The following GABRA5 variants were observed in gnomAD, a reference collection of about 807,000 sequenced individuals.
The protein encoded by GABRA5 is gamma-aminobutyric acid receptor subunit alpha-5.
Under a neutral mutation model 47.3 loss-of-function variants are expected in GABRA5, and 18 were observed. That is an observed-to-expected ratio of 0.38 (90% CI 0.26 to 0.56). The LOEUF (loss-of-function observed/expected upper bound fraction) is 0.56. GABRA5 is among the 20% of genes least tolerant of loss of function. GABRA5 has a pLI of 0.71. For synonymous variants in GABRA5, 237 were observed against 229.3 expected (o/e 1.03, Z -0.30); for missense variants, 365 against 599.3 (o/e 0.61, Z 4.08).
chr15:26,943,075 C>T (rs1204543460), intron 9 of GABRA5, 140 bp from the exon 10 acceptor site: 1 of 655,022 alleles, frequency 1.5e-6, no homozygotes, highest in African/African-American at 1.8e-5. Context: ...CAGAGCAAGA[C>T]TCTGTCTCAA....
At chr15:26,875,070 A>G (rs989125640) in intron 3 of GABRA5, among the ~76,000 whole-genome samples, 1 of 152,214 alleles carries the variant, frequency 6.6e-6, no homozygotes, top group Non-Finnish European at 1.5e-5. Context: ...GGGATTAATC[A>G]TGGGTCCAGG....
intron 7 of GABRA5, among the ~76,000 whole-genome samples, chr15:26,916,104 G>C (rs527931370): frequency 3.9e-5 from 6 of 151,982 alleles, no homozygotes; most frequent in Admixed American, 2.6e-4. Context: ...TCTTGCCTGG[G>C]ATATCTTTCT....
chr15:26,924,687 G>T (rs1893918750), intron 7 of GABRA5, among the ~76,000 whole-genome samples: 1 of 152,194 alleles, frequency 6.6e-6, no homozygotes. Context: ...GCATTTGCTA[G>T]CCTGGAATAG....
At chr15:26,900,155 A>T (rs1893293008) in intron 6 of GABRA5, among the ~76,000 whole-genome samples, 1 of 152,144 alleles carries the variant, frequency 6.6e-6, no homozygotes, top group African/African-American at 2.4e-5. Context: ...ATATATAAAA[A>T]ACTTTGCTCC....
intron 6 of GABRA5, among the ~76,000 whole-genome samples, chr15:26,904,916 G>C (rs1325419477): frequency 6.6e-6 from 1 of 152,146 alleles, no homozygotes; most frequent in Non-Finnish European, 1.5e-5. Flanking sequence ...GGGATAGTTT[G>C]ACTTCCTTGC....
intron 7 of GABRA5, among the ~76,000 whole-genome samples, chr15:26,917,609 T>A (rs1450959087): frequency 6.6e-6 from 1 of 152,092 alleles, no homozygotes; most frequent in Non-Finnish European, 1.5e-5. Context: ...CCTCTTTAGT[T>A]TTTTTTGAAG....
intron 3 of GABRA5, among the ~76,000 whole-genome samples, chr15:26,874,528 A>T (rs1039358188): frequency 6.6e-6 from 1 of 152,168 alleles, no homozygotes; most frequent in African/African-American, 2.4e-5. Context: ...TGCCCTGAAA[A>T]GGGAAGGAAT....
At chr15:26,937,842 C>T (rs1894284330) in intron 8 of GABRA5, among the ~76,000 whole-genome samples, 2 of 152,230 alleles carry the variant, frequency 1.3e-5, no homozygotes, top group South Asian at 4.1e-4. Context: ...TCCCTTGACA[C>T]AAAGTTGGTG....
intron 7 of GABRA5, among the ~76,000 whole-genome samples, chr15:26,919,162 A>C (rs1330611202): frequency 2.0e-5 from 3 of 152,072 alleles, no homozygotes; most frequent in Non-Finnish European, 2.9e-5. Context: ...AACACACACA[A>C]AAAAAGAGTC....
At chr15:26,936,146 T>C (rs1894237240) in intron 7 of GABRA5, among the ~76,000 whole-genome samples, 1 of 152,138 alleles carries the variant, frequency 6.6e-6, no homozygotes, top group Admixed American at 6.5e-5. Flanking sequence ...TGTGAAGAGG[T>C]GCCTTCCGCC....
At chr15:26,896,089 G>A (rs765198492) in intron 6 of GABRA5, among the ~76,000 whole-genome samples, 10 of 152,112 alleles carry the variant, frequency 6.6e-5, no homozygotes, top group African/African-American at 1.9e-4. Flanking sequence ...CTGGGCAACC[G>A]CTGACCGCTC....
intron 7 of GABRA5, among the ~76,000 whole-genome samples, chr15:26,930,881 T>C (rs958018643): frequency 7.4e-5 from 11 of 148,912 alleles, no homozygotes; most frequent in Non-Finnish European, 1.3e-4. Context: ...CTTTTTTCTT[T>C]CTTTCTTTCT....
intron 7 of GABRA5, among the ~76,000 whole-genome samples, chr15:26,926,981 T>C (rs1893975657): frequency 6.6e-6 from 1 of 152,238 alleles, no homozygotes. Flanking sequence ...CTCTTCACTT[T>C]CTATATTCAG....
At chr15:26,927,577 A>G (rs1033149198) in intron 7 of GABRA5, among the ~76,000 whole-genome samples, 3 of 152,188 alleles carry the variant, frequency 2.0e-5, no homozygotes, top group Non-Finnish European at 4.4e-5. Flanking sequence ...TACACACTTC[A>G]CCTTTCCTCA....
chr15:26,884,600 A>G (rs1456904933), intron 6 of GABRA5, among the ~76,000 whole-genome samples: 2 of 152,220 alleles, frequency 1.3e-5, no homozygotes, highest in African/African-American at 4.8e-5. Flanking sequence ...AAGAGTAATC[A>G]TAGTGGAAAG....
chr15:26,884,189 G>GA (rs1826655510), intron 6 of GABRA5, among the ~76,000 whole-genome samples: 1 of 149,490 alleles, frequency 6.7e-6, no homozygotes, highest in Non-Finnish European at 1.5e-5. Context: ...ATTCTGTCTC[G>GA]AAAAAAGAAA....
At chr15:26,901,433 A>T (rs1482188434) in intron 6 of GABRA5, among the ~76,000 whole-genome samples, 1 of 152,142 alleles carries the variant, frequency 6.6e-6, no homozygotes, top group African/African-American at 2.4e-5. Flanking sequence ...ATCTTTTCAT[A>T]TGCTTATTTA....
rs556970837 is a variant in GABRA5 at position 26,869,257 on chromosome 15, T to G, written c.9T>G (p.Asn3Lys). Reference sequence around the variant, plus strand: ...TACTATTCTTATTGGGAATGGACAATGGAATGTTCTCTGGTTTTATCATGA... The same window carrying G: ...TACTATTCTTATTGGGAATGGACAAGGGAATGTTCTCTGGTTTTATCATGA... The part of the protein sequence containing the change: MD[N>K]GMFSGFIMIK... The change falls in exon 3 of 11, where the codon AAT (asparagine) becomes AAG (lysine). Residue 3 changes from asparagine to lysine, a missense_variant. By Grantham distance (94) the Asn-to-Lys change is moderately conservative (BLOSUM62 0). Coordinates refer to ENST00000335625, the MANE Select transcript of GABRA5 (RefSeq NM_000810.4). 6.3e-7 allele frequency: 1 copy of G among 1,589,134 alleles called. No homozygotes were observed. Among genetic ancestry groups the G allele is most frequent in the African/African-American group, 1.3e-5 (1 of 74,490 alleles).
chr15:26,870,840 TG>T (rs753416725), intron 3 of GABRA5, among the ~76,000 whole-genome samples: 18 of 152,214 alleles, frequency 1.2e-4, no homozygotes, highest in Non-Finnish European at 2.1e-4. Context: ...CGCATATATT[TG>T]GTAGCATTTT....
Sources: gnomAD v4.1 joint callset for allele counts (sites outside exome capture counted in the v4.1 genomes callset) on GRCh38, gnomAD v4.1.1 for gene constraint, MANE v1.5 for transcripts, NCBI Gene and HGNC (gene_info 2026-07-23, HGNC 2026-07-21) for gene names.